Variants in CHRM3 observed in about 807,000 individuals in gnomAD.
The protein encoded by CHRM3 is cholinergic receptor muscarinic 3.
In CHRM3, 11 loss-of-function variants were observed where a neutral mutation model predicts 41.8. The ratio of observed to expected loss-of-function variants is 0.26; its 90% CI spans 0.17 to 0.44. The LOEUF (loss-of-function observed/expected upper bound fraction) is 0.44, where lower values mean the gene tolerates loss of function less well. Ranked by LOEUF, CHRM3 falls within the 20% of genes least tolerant of loss-of-function variation. CHRM3 has a pLI of 1.00. For synonymous variants in CHRM3, 297 were observed against 301.4 expected (o/e 0.99, Z 0.15); for missense variants, 571 against 745.4 (o/e 0.77, Z 2.72).
chr1:239,856,670 C>G (rs1164162182), intron 6 of CHRM3, among the ~76,000 whole-genome samples: 1 of 152,008 alleles, frequency 6.6e-6, no homozygotes, highest in Non-Finnish European at 1.5e-5. Context: ...CAATTAAAAG[C>G]CATGGATGAT....
chr1:239,646,863 A>G (rs1671784510), intron 4 of CHRM3, among the ~76,000 whole-genome samples: 1 of 152,176 alleles, frequency 6.6e-6, no homozygotes, highest in South Asian at 2.1e-4. Context: ...CTGGGCAACA[A>G]TATGTGGAAA....
chr1:239,508,894 G>T (rs931762281), intron 2 of CHRM3, among the ~76,000 whole-genome samples: 4 of 152,034 alleles, frequency 2.6e-5, no homozygotes, highest in African/African-American at 9.7e-5. Context: ...TGATAACTTG[G>T]AAAAAAATAA....
chr1:239,415,317 G>GTAATCC (rs1661412657), intron 1 of CHRM3, among the ~76,000 whole-genome samples: 1 of 152,116 alleles, frequency 6.6e-6, no homozygotes, highest in Non-Finnish European at 1.5e-5. Flanking sequence ...GCACGTGCCT[G>GTAATCC]TAATCTCAGC....
At chr1:239,603,063 T>C (rs1465087661) in intron 3 of CHRM3, among the ~76,000 whole-genome samples, 1 of 150,980 alleles carries the variant, frequency 6.6e-6, no homozygotes, top group African/African-American at 2.4e-5. Flanking sequence ...TTTCTGTTTC[T>C]AAGAGTTCAA....
At position 239,716,507 on chromosome 1, in the gene CHRM3, C is replaced by T. The variant is rs1331274378; in HGVS notation, c.-147+38219C>T. On this transcript the variant is annotated intron_variant, in intron 5 of 6. Coordinates refer to ENST00000676153, the MANE Select transcript of CHRM3 (RefSeq NM_001375978.1). ...TGGGTTGGATATTAAGACTTTAAGC[C>T]ATGTACCAAAGCCTTTGTTAAATGT... Among the ~76,000 whole-genome samples, 3 of 152,064 alleles carry T rather than the reference C, an allele frequency of 2.0e-5. No homozygotes were observed. In the East Asian group the frequency reaches 5.8e-4, roughly 29 times the overall value.
intron 4 of CHRM3, among the ~76,000 whole-genome samples, chr1:239,677,822 G>A (rs1185530278): frequency 6.6e-6 from 1 of 152,156 alleles, no homozygotes; most frequent in African/African-American, 2.4e-5. Flanking sequence ...ATAAATGTCT[G>A]TATGTTATGT....
intron 6 of CHRM3, among the ~76,000 whole-genome samples, chr1:239,867,440 C>A (rs769393528): frequency 6.6e-6 from 1 of 152,186 alleles, no homozygotes; most frequent in Non-Finnish European, 1.5e-5. Context: ...GTAATCCCAG[C>A]ACTTTGGGAA....
At chr1:239,857,542 A>G (rs988035490) in intron 6 of CHRM3, among the ~76,000 whole-genome samples, 1 of 152,188 alleles carries the variant, frequency 6.6e-6, no homozygotes, top group East Asian at 1.9e-4. Context: ...GGAATAAAAC[A>G]TCTTTTTAAA....
At chr1:239,695,062 A>G (rs1217286118) in intron 5 of CHRM3, among the ~76,000 whole-genome samples, 1 of 152,140 alleles carries the variant, frequency 6.6e-6, no homozygotes, top group African/African-American at 2.4e-5. Flanking sequence ...CCCAGCTGGA[A>G]TGCAGTGGCG....
intron 2 of CHRM3, among the ~76,000 whole-genome samples, chr1:239,525,449 TTG>T (rs1386975395): frequency 8.4e-6 from 1 of 118,592 alleles, no homozygotes; most frequent in East Asian, 2.4e-4. Flanking sequence ...GGTTTTCTTT[TTG>T]TTTCTTTTTT....
chr1:239,762,383 A>G (rs958305266), intron 5 of CHRM3, among the ~76,000 whole-genome samples: 3 of 152,174 alleles, frequency 2.0e-5, no homozygotes, highest in Non-Finnish European at 4.4e-5. Flanking sequence ...ATTTCTTGAG[A>G]GAAGATTTTA....
chr1:239,788,368 G>C (rs570883002), intron 5 of CHRM3, among the ~76,000 whole-genome samples: 1 of 152,184 alleles, frequency 6.6e-6, no homozygotes, highest in African/African-American at 2.4e-5. Flanking sequence ...TTTTTTGCAT[G>C]TTGTATTTAG....
At chr1:239,799,705 C>T (rs904930376) in intron 5 of CHRM3, among the ~76,000 whole-genome samples, 1 of 152,134 alleles carries the variant, frequency 6.6e-6, no homozygotes, top group Non-Finnish European at 1.5e-5. Flanking sequence ...ATTCCGTTGT[C>T]TTTAGGCAAA....
intron 1 of CHRM3, among the ~76,000 whole-genome samples, chr1:239,442,575 G>A (rs964057482): frequency 2.1e-4 from 32 of 152,088 alleles, no homozygotes; most frequent in African/African-American, 7.7e-4. Flanking sequence ...AATTTCAAGC[G>A]TAAGTGGGGA....
intron 6 of CHRM3, among the ~76,000 whole-genome samples, chr1:239,899,502 A>G (rs963730941): frequency 1.5e-4 from 23 of 150,582 alleles, no homozygotes; most frequent in Non-Finnish European, 3.1e-4. Context: ...ACATGTATAT[A>G]TACACACATA....
At chr1:239,448,536 A>G (rs1369806640) in intron 1 of CHRM3, among the ~76,000 whole-genome samples, 1 of 152,162 alleles carries the variant, frequency 6.6e-6, no homozygotes, top group African/African-American at 2.4e-5. Flanking sequence ...AAGAAAATTG[A>G]TATTTTAAAA....
chr1:239,787,233 T>C (rs1009378438), intron 5 of CHRM3, among the ~76,000 whole-genome samples: 3 of 152,214 alleles, frequency 2.0e-5, no homozygotes, highest in Non-Finnish European at 4.4e-5. Context: ...CTCATCATGG[T>C]ATCCACCTGG....
chr1:239,595,932 G>T (rs1489744551), intron 3 of CHRM3, among the ~76,000 whole-genome samples: 1 of 152,102 alleles, frequency 6.6e-6, no homozygotes, highest in Non-Finnish European at 1.5e-5. Flanking sequence ...TTAGAAGACA[G>T]AACCTTGCCT....
intron 5 of CHRM3, among the ~76,000 whole-genome samples, chr1:239,711,622 C>G (rs1328132103): frequency 6.6e-6 from 1 of 151,702 alleles, no homozygotes; most frequent in Non-Finnish European, 1.5e-5. Flanking sequence ...AACCTTTAGT[C>G]CACTGCCCCA....
Sources: gnomAD v4.1 joint callset for allele counts (sites outside exome capture counted in the v4.1 genomes callset) on GRCh38, gnomAD v4.1.1 for gene constraint, MANE v1.5 for transcripts, NCBI Gene and HGNC (gene_info 2026-07-23, HGNC 2026-07-21) for gene names.